Variants in INIP observed in about 807,000 individuals in gnomAD.
INIP encodes the protein INTS3 and NABP interacting protein.
Under a neutral mutation model 14.0 loss-of-function variants are expected in INIP, and 9 were observed. That is an observed-to-expected ratio of 0.64 (90% CI 0.39 to 1.12). The LOEUF (loss-of-function observed/expected upper bound fraction) is 1.12. INIP is among the 50% of genes most tolerant of loss of function. The pLI is 0.01. For missense variants in INIP, 78 were observed against 122.7 expected (o/e 0.64, Z 1.72); for synonymous variants, 37 against 41.5 (o/e 0.89, Z 0.41).
At chr9:112,713,911 G>A (rs2131317708) in intron 2 of INIP, among the ~76,000 whole-genome samples, 1 of 151,930 alleles carries the variant, frequency 6.6e-6, no homozygotes, top group African/African-American at 2.4e-5. Context: ...TTGAACCCAG[G>A]AGGTGGAGGT....
At chr9:112,701,756 C>T (rs1838306825) in intron 2 of INIP, 1 of 151,894 alleles carries the variant, frequency 6.6e-6, no homozygotes, top group South Asian at 2.1e-4. Flanking sequence ...TTAAGAGATA[C>T]TATAAATATA....
chr9:112,711,820 T>C (rs995947077), intron 2 of INIP, among the ~76,000 whole-genome samples: 4 of 152,220 alleles, frequency 2.6e-5, no homozygotes, highest in African/African-American at 9.6e-5. Flanking sequence ...ACGAAACTCA[T>C]GTAACCTTTA....
chr9:112,716,962 C>CA (rs553313367), intron 1 of INIP, among the ~76,000 whole-genome samples: 3,248 of 77,760 alleles, frequency 0.042, 109 homozygotes, highest in African/African-American at 0.12. Flanking sequence ...GACTCGGTCT[C>CA]AAAAAAAAAA....
chr9:112,695,808 G>A lies in INIP; in HGVS notation c.26-1575C>T, dbSNP rs566501892. 1.6e-4 allele frequency among the ~76,000 whole-genome samples: 15 copies of A among 91,700 alleles called. No individual in the cohort carries two copies. The South Asian group carries it at 4.2e-3, about 26-fold the overall frequency. The allele number at this position is 91,700 out of a possible 152,430, so 60.2% of individuals were successfully genotyped here. A position where few individuals can be genotyped will look rare whatever the true frequency, so the allele number is the denominator to read the frequency against. On this transcript the variant is annotated intron_variant, in intron 2 of 4. Coordinates refer to ENST00000374242, the MANE Select transcript of INIP (RefSeq NM_021218.3). ...GGAGGGGGAGGGGGAGGAGGAGGAG[G>A]AGAAGAAGAAGGAGAAGAAGAAGGA... is the stretch of plus-strand genomic sequence containing the variant.
chr9:112,687,378 A>G lies in INIP; in HGVS notation c.*160T>C, dbSNP rs943199679. ...TTCCACAGCTCTCATCATCCTGGTT[A>G]TTCTTCTTTCAGCTTTCACTTACAC... On this transcript the variant is annotated 3_prime_UTR_variant, in exon 5 of 5. Coordinates refer to ENST00000374242, the MANE Select transcript of INIP (RefSeq NM_021218.3). 12 of 535,282 alleles carry G rather than the reference A, an allele frequency of 2.2e-5. No individual in the cohort carries two copies. The African/African-American group carries it at 2.3e-4, about 10-fold the overall frequency. The allele number at this position is 535,282 out of a possible 1,614,324, so 33.2% of individuals were successfully genotyped here. A position where few individuals can be genotyped will look rare whatever the true frequency, so the allele number is the denominator to read the frequency against.
At chr9:112,692,606 C>A (rs371398572) in intron 3 of INIP, among the ~76,000 whole-genome samples, 35 of 151,732 alleles carry the variant, frequency 2.3e-4, no homozygotes, top group Non-Finnish European at 4.3e-4. Context: ...AGGGAAGATA[C>A]TAAATATGGC....
intron 2 of INIP, among the ~76,000 whole-genome samples, chr9:112,705,110 C>CAAAAAAA (rs1194911436): frequency 1.1e-4 from 5 of 46,012 alleles, no homozygotes; most frequent in African/African-American, 1.8e-4. Flanking sequence ...GACCCTGTCT[C>CAAAAAAA]AAAAAAAAAA....
chr9:112,686,282 G>A lies in INIP; in HGVS notation c.*1256C>T, dbSNP rs930910645. ...ACCCATGCGTGTATAAATATATCAC[G>A]AAAATCTGTACAAGATATTTCATAG... On this transcript the variant is annotated 3_prime_UTR_variant, in exon 5 of 5. Transcript: ENST00000374242. The A allele has an allele frequency of 1.3e-5, 2 of 152,050 alleles. No individual in the cohort carries two copies. The highest frequency in any genetic ancestry group is 4.8e-5 in the African/African-American group (2 of 41,408). The allele number at this position is 152,050 out of a possible 1,614,324, so 9.4% of individuals were successfully genotyped here.
intron 1 of INIP, among the ~76,000 whole-genome samples, chr9:112,717,557 C>A (rs757516406): frequency 6.6e-6 from 1 of 151,974 alleles, no homozygotes; most frequent in Non-Finnish European, 1.5e-5. Context: ...CAAACCCGCT[C>A]TTTAAAAGGT....
intron 2 of INIP, among the ~76,000 whole-genome samples, chr9:112,709,360 C>T (rs1838577554): frequency 6.6e-6 from 1 of 151,978 alleles, no homozygotes; most frequent in Non-Finnish European, 1.5e-5. Context: ...TTGTAATTCC[C>T]CCTACTGAAG....
intron 4 of INIP, 128 bp from the exon 5 acceptor site, chr9:112,687,761 C>T (rs1837729134): frequency 1.9e-6 from 1 of 519,986 alleles, no homozygotes; most frequent in South Asian, 3.3e-5. Context: ...ATTTATTTTT[C>T]ATTGTTATTG....
intron 2 of INIP, among the ~76,000 whole-genome samples, chr9:112,707,840 T>C (rs943625955): frequency 2.0e-4 from 30 of 152,228 alleles, no homozygotes; most frequent in African/African-American, 6.5e-4. Flanking sequence ...TTGAGACACC[T>C]ATGTTTAGTA....
At chr9:112,713,167 T>A (rs1356362200) in intron 2 of INIP, among the ~76,000 whole-genome samples, 3 of 152,214 alleles carry the variant, frequency 2.0e-5, no homozygotes, top group Non-Finnish European at 4.4e-5. Flanking sequence ...AAATACTTCA[T>A]AAAGGAAGAT....
At chr9:112,717,784 C>T (rs1347245955) in intron 1 of INIP, among the ~76,000 whole-genome samples, 2 of 152,146 alleles carry the variant, frequency 1.3e-5, no homozygotes, top group Non-Finnish European at 2.9e-5. Context: ...GACTGGCGTG[C>T]CAGAAAGGTC....
chr9:112,713,083 G>A (rs1041625932), intron 2 of INIP, among the ~76,000 whole-genome samples: 8 of 152,158 alleles, frequency 5.3e-5, no homozygotes, highest in African/African-American at 1.2e-4. Flanking sequence ...TATCCAGACC[G>A]AAGAATGAAA....
At chr9:112,705,645 G>A (rs1481399809) in intron 2 of INIP, among the ~76,000 whole-genome samples, 1 of 152,138 alleles carries the variant, frequency 6.6e-6, no homozygotes, top group Non-Finnish European at 1.5e-5. Context: ...TAGAACTTTA[G>A]TGTATTAGAT....
chr9:112,691,107 G>A (rs184958833), intron 3 of INIP, among the ~76,000 whole-genome samples: 2 of 152,284 alleles, frequency 1.3e-5, no homozygotes, highest in East Asian at 1.9e-4. Flanking sequence ...TTCAAGAAGC[G>A]TAAGACCACA....
intron 4 of INIP, among the ~76,000 whole-genome samples, chr9:112,687,933 A>C (rs979086406): frequency 6.6e-6 from 1 of 151,928 alleles, no homozygotes; most frequent in Admixed American, 6.6e-5. Context: ...AAAATACAAA[A>C]AAGTTAGCCA....
At chr9:112,699,058 CT>C (rs1445423891) in intron 2 of INIP, among the ~76,000 whole-genome samples, 2 of 152,134 alleles carry the variant, frequency 1.3e-5, no homozygotes, top group African/African-American at 2.4e-5. Flanking sequence ...TGGTTCACAC[CT>C]GTAATCTCAG....
Sources: gnomAD v4.1 joint callset for allele counts (sites outside exome capture counted in the v4.1 genomes callset) on GRCh38, gnomAD v4.1.1 for gene constraint, MANE v1.5 for transcripts, NCBI Gene and HGNC (gene_info 2026-07-23, HGNC 2026-07-21) for gene names.